TCF12: variants seen among roughly 807,000 people sequenced by gnomAD.
TCF12 encodes transcription factor 12, also known as DNA-binding protein HTF4.
TCF12 carries 45 observed loss-of-function variants against 86.0 expected under a neutral mutation model. That is an observed-to-expected ratio of 0.52 (90% CI 0.41 to 0.67). The LOEUF (loss-of-function observed/expected upper bound fraction) is 0.67. Among genes scored for constraint, TCF12 ranks in the 30% least tolerant of loss-of-function variants. The probability of loss-of-function intolerance (pLI) is 0.00; values close to 1 mark genes in which losing one functional copy is unlikely to be tolerated. For missense variants in TCF12, 881 were observed against 859.9 expected, an observed-to-expected ratio of 1.02 and a Z score of -0.31; for synonymous variants, 330 against 299.6, an observed-to-expected ratio of 1.10 and a Z score of -1.05.
intron 8 of TCF12, among the ~76,000 whole-genome samples, chr15:57,222,526 A>G (rs1217626024): frequency 1.3e-5 from 2 of 151,776 alleles, no homozygotes; most frequent in African/African-American, 2.4e-5. Flanking sequence ...GTAAGGTATT[A>G]ATGTGGGTTT....
At chr15:57,104,332 C>A (rs2049968514) in intron 5 of TCF12, among the ~76,000 whole-genome samples, 1 of 151,396 alleles carries the variant, frequency 6.6e-6, no homozygotes. Context: ...TATTGGCAGA[C>A]TTTTCTTGGG....
chr15:57,057,475 T>C (rs2068117926), intron 3 of TCF12, among the ~76,000 whole-genome samples: 1 of 152,236 alleles, frequency 6.6e-6, no homozygotes, highest in Non-Finnish European at 1.5e-5. Context: ...GGTCTCTTCT[T>C]TCAAGTTTAT....
intron 3 of TCF12, among the ~76,000 whole-genome samples, chr15:57,016,978 G>C (rs771684506): frequency 3.2e-4 from 48 of 152,140 alleles, no homozygotes; most frequent in Non-Finnish European, 6.2e-4. Context: ...GCTCATCCGT[G>C]TTGCTGTCAT....
At chr15:57,062,840 T>C (rs2068567550) in intron 3 of TCF12, among the ~76,000 whole-genome samples, 1 of 152,208 alleles carries the variant, frequency 6.6e-6, no homozygotes, top group African/African-American at 2.4e-5. Context: ...TATTTCTGTG[T>C]TGATGAATTT....
intron 6 of TCF12, among the ~76,000 whole-genome samples, chr15:57,190,758 T>C (rs1313196951): frequency 6.6e-6 from 1 of 152,200 alleles, no homozygotes; most frequent in Non-Finnish European, 1.5e-5. Flanking sequence ...AATGTCACTG[T>C]AGCATACCTC....
At chr15:56,918,366 A>C (rs1429180160), upstream of TCF12, 6 of 387,804 alleles carry the variant, frequency 1.5e-5, no homozygotes, top group East Asian at 8.4e-5. Context: ...GGTACCTGCC[A>C]CCCCGCTCCC....
intron 7 of TCF12, 111 bp downstream of exon 7, chr15:57,192,404 T>C (rs1327272875): frequency 8.3e-6 from 12 of 1,437,150 alleles, no homozygotes; most frequent in Non-Finnish European, 9.4e-6. Context: ...CGTTTCTTTG[T>C]TTAAGACAGC....
chr15:56,920,029 T>G, intron 2 of TCF12, 41 bp downstream of exon 2: 1 of 1,608,088 alleles, frequency 6.2e-7, no homozygotes, highest in Non-Finnish European at 8.5e-7. Context: ...TCTGCTGAGG[T>G]TTTTGTTTGT....
rs117914532 is a variant in TCF12, at chr15:57,231,140, T to C, written c.580-12T>C. The C allele has an allele frequency of 8.7e-3, 13,704 of 1,581,168 alleles. 69 individuals are homozygous for C. The highest frequency in any genetic ancestry group is 9.8e-3 in the Non-Finnish European group (11,274 of 1,150,766). The stretch of plus-strand genomic sequence containing the variant: ...ATTTACATTTTAATTAAATGTGCTG[T>C]TTAATTTTAAGGTATATGCACCATC... On this transcript the variant is annotated splice_polypyrimidine_tract_variant and intron_variant, in intron 8 of 20. Coordinates refer to ENST00000333725, the MANE Select transcript of TCF12 (RefSeq NM_207037.2).
intron 12 of TCF12, among the ~76,000 whole-genome samples, chr15:57,240,196 C>T (rs1202150722): frequency 6.6e-6 from 1 of 152,154 alleles, no homozygotes; most frequent in East Asian, 1.9e-4. Flanking sequence ...ACATTGAACC[C>T]TCACCATTTA....
intron 3 of TCF12, among the ~76,000 whole-genome samples, chr15:57,009,885 C>G (rs529478132): frequency 6.6e-6 from 1 of 152,224 alleles, no homozygotes; most frequent in African/African-American, 2.4e-5. Flanking sequence ...CTCTGTGTGA[C>G]TCTATGTAAA....
chr15:57,026,952 T>C (rs899990935), intron 3 of TCF12, among the ~76,000 whole-genome samples: 1 of 152,244 alleles, frequency 6.6e-6, no homozygotes, highest in African/African-American at 2.4e-5. Context: ...ATAGTTGTTA[T>C]ACTGTATTTT....
chr15:57,247,282 A>G, intron 13 of TCF12: 2 of 652,208 alleles, frequency 3.1e-6, no homozygotes, highest in South Asian at 1.6e-5. Flanking sequence ...CTCCATAACT[A>G]CCTCTGCTGC....
chr15:56,981,356 G>A (rs188590320), intron 3 of TCF12, among the ~76,000 whole-genome samples: 1 of 152,318 alleles, frequency 6.6e-6, no homozygotes, highest in East Asian at 1.9e-4. Flanking sequence ...CCTCTTTGCT[G>A]TGTCCTCTGG....
At chr15:57,270,773 T>C (rs1427999472) in intron 18 of TCF12, among the ~76,000 whole-genome samples, 2 of 152,186 alleles carry the variant, frequency 1.3e-5, no homozygotes, top group Admixed American at 1.3e-4. Context: ...TTGTTGATGT[T>C]GATGCTATTC....
intron 3 of TCF12, among the ~76,000 whole-genome samples, chr15:56,969,140 A>G (rs565981156): frequency 2.6e-5 from 4 of 152,284 alleles, no homozygotes; most frequent in Admixed American, 2.6e-4. Flanking sequence ...GGAGATATGT[A>G]GCTTTTTATG....
intron 8 of TCF12, among the ~76,000 whole-genome samples, chr15:57,212,530 G>A (rs2058154699): frequency 6.6e-6 from 1 of 151,964 alleles, no homozygotes; most frequent in Non-Finnish European, 1.5e-5. Context: ...TTCCCACCTT[G>A]GCCTCCCAAA....
rs377052725 is a variant in TCF12, at chr15:57,051,568, C to T, written c.149-12182C>T. ...GAATTCCTAGACTTGAAGTGATCCT[C>T]CTGCCTCTGCTTCCCAAAGTGCTGG... On this transcript the variant is annotated intron_variant, in intron 3 of 20. Coordinates refer to ENST00000333725, the MANE Select transcript of TCF12 (RefSeq NM_207037.2). 3.9e-5 allele frequency among the ~76,000 whole-genome samples: 6 copies of T among 152,196 alleles called. No homozygotes were observed. In the East Asian group the frequency reaches 9.7e-4, roughly 24 times the overall value.
chr15:57,134,484 G>A (rs1291281745), intron 5 of TCF12: 2 of 152,194 alleles, frequency 1.3e-5, no homozygotes, highest in African/African-American at 2.4e-5. Flanking sequence ...GGAATTTGAT[G>A]TGCAGGGCTG....
Sources: allele counts gnomAD v4.1 joint callset (sites outside exome capture counted in the v4.1 genomes callset), GRCh38; gene constraint gnomAD v4.1.1; transcripts MANE v1.5; gene names NCBI Gene and HGNC (gene_info 2026-07-23, HGNC 2026-07-21).